Variants in CRACR2A observed in about 807,000 individuals in gnomAD.
CRACR2A encodes the protein calcium release activated channel regulator 2A, also known as EF-hand calcium-binding domain-containing protein 4B.
A neutral mutation model predicts 90.5 loss-of-function variants in CRACR2A; 79 were observed. That is an observed-to-expected ratio of 0.87 (90% CI 0.73 to 1.05). The LOEUF (loss-of-function observed/expected upper bound fraction) is 1.05. CRACR2A is among the 50% of genes least tolerant of loss of function. The probability of loss-of-function intolerance (pLI) is 0.00; values close to 1 mark genes in which losing one functional copy is unlikely to be tolerated. For missense variants in CRACR2A, 823 were observed against 897.2 expected (o/e 0.92, Z 1.06); for synonymous variants, 338 against 356.7 (o/e 0.95, Z 0.59).
At chr12:3,622,185 T>C (rs993448133) in intron 17 of CRACR2A, among the ~76,000 whole-genome samples, 4 of 152,220 alleles carry the variant, frequency 2.6e-5, no homozygotes, top group African/African-American at 9.6e-5. Context: ...AGGGCTTTGG[T>C]GAACAGGTCT....
intron 3 of CRACR2A, among the ~76,000 whole-genome samples, chr12:3,701,163 GA>G (rs534227869): frequency 1.8e-4 from 27 of 145,996 alleles, no homozygotes; most frequent in South Asian, 8.6e-4. Flanking sequence ...GAACTAAATG[GA>G]AAAAAAAAAG....
chr12:3,628,489 C>CT (rs1459149603), intron 15 of CRACR2A, among the ~76,000 whole-genome samples: 2 of 152,152 alleles, frequency 1.3e-5, no homozygotes, highest in African/African-American at 4.8e-5. Context: ...TACCACTGGG[C>CT]TGTTCACAAC....
chr12:3,695,136 T>TG (rs1307953911), intron 4 of CRACR2A, among the ~76,000 whole-genome samples: 1 of 152,230 alleles, frequency 6.6e-6, no homozygotes, highest in Admixed American at 6.5e-5. Flanking sequence ...GCACAGTACT[T>TG]GTGGCCCAGA....
At chr12:3,706,657 G>A (rs1205385851) in intron 3 of CRACR2A, among the ~76,000 whole-genome samples, 1 of 152,224 alleles carries the variant, frequency 6.6e-6, no homozygotes, top group East Asian at 1.9e-4. Flanking sequence ...CTGAAGTGCA[G>A]TGGCATGATC....
At chr12:3,720,452 A>C (rs1184456162) in intron 2 of CRACR2A, among the ~76,000 whole-genome samples, 1 of 150,264 alleles carries the variant, frequency 6.7e-6, no homozygotes, top group African/African-American at 2.5e-5. Context: ...AGAAAGAAAG[A>C]AAGAAAGAAA....
At chr12:3,699,020 G>T (rs1432187630) in intron 3 of CRACR2A, among the ~76,000 whole-genome samples, 2 of 152,058 alleles carry the variant, frequency 1.3e-5, no homozygotes, top group Non-Finnish European at 2.9e-5. Flanking sequence ...GCTTTCTCTT[G>T]CCAGGCCCCT....
intron 1 of CRACR2A, among the ~76,000 whole-genome samples, chr12:3,747,684 C>T (rs1946646892): frequency 6.6e-6 from 1 of 152,222 alleles, no homozygotes; most frequent in Admixed American, 6.5e-5. Flanking sequence ...CCCACGTCCC[C>T]TGGTGCTGCT....
chr12:3,648,481 T>A (rs1565473105), intron 11 of CRACR2A, 61 bp downstream of exon 11: 2 of 1,612,954 alleles, frequency 1.2e-6, no homozygotes, highest in Non-Finnish European at 1.7e-6. Context: ...CTCAGACTGG[T>A]CCTTCCGACC....
intron 4 of CRACR2A, among the ~76,000 whole-genome samples, chr12:3,682,302 G>A (rs1004259962): frequency 9.2e-5 from 14 of 152,090 alleles, no homozygotes; most frequent in Admixed American, 6.5e-4. Context: ...AGAGATCAAC[G>A]GGACCCTCAA....
chr12:3,649,693 G>A (rs1944760117), intron 10 of CRACR2A, among the ~76,000 whole-genome samples: 1 of 152,090 alleles, frequency 6.6e-6, no homozygotes, highest in African/African-American at 2.4e-5. Flanking sequence ...GGCTGTGTCT[G>A]GTTTGTTTAC....
chr12:3,690,212 GT>G (rs1016232406), intron 4 of CRACR2A, among the ~76,000 whole-genome samples: 1 of 151,954 alleles, frequency 6.6e-6, no homozygotes, highest in Non-Finnish European at 1.5e-5. Context: ...TTTAGGATTG[GT>G]TTGCTCTTGG....
At chr12:3,647,653 G>A (rs149272942) in intron 11 of CRACR2A, among the ~76,000 whole-genome samples, 2 of 152,136 alleles carry the variant, frequency 1.3e-5, no homozygotes, top group Non-Finnish European at 2.9e-5. Flanking sequence ...CAATCAATCT[G>A]AAACGCATTC....
intron 4 of CRACR2A, among the ~76,000 whole-genome samples, chr12:3,684,662 G>A (rs1945521084): frequency 6.6e-6 from 1 of 152,234 alleles, no homozygotes; most frequent in Non-Finnish European, 1.5e-5. Flanking sequence ...TAGAGTGCAG[G>A]CGTATAATTC....
intron 17 of CRACR2A, among the ~76,000 whole-genome samples, chr12:3,625,940 C>T (rs972025398): frequency 1.3e-5 from 2 of 152,112 alleles, no homozygotes; most frequent in African/African-American, 2.4e-5. Context: ...AGAGAAAGAT[C>T]GTGTCGTAAA....
At chr12:3,747,608 A>T (rs570289822) in intron 1 of CRACR2A, among the ~76,000 whole-genome samples, 2 of 152,280 alleles carry the variant, frequency 1.3e-5, no homozygotes, top group South Asian at 4.1e-4. Flanking sequence ...AAAATAAACC[A>T]ATCACCCAGG....
At chr12:3,650,135 G>A (rs370510280) in intron 10 of CRACR2A, among the ~76,000 whole-genome samples, 24 of 152,196 alleles carry the variant, frequency 1.6e-4, no homozygotes, top group African/African-American at 3.1e-4. Context: ...TGATACAGGC[G>A]TCACTTTCCA....
chr12:3,655,169 T>C (rs553133297), intron 9 of CRACR2A, among the ~76,000 whole-genome samples: 1 of 152,216 alleles, frequency 6.6e-6, no homozygotes, highest in Non-Finnish European at 1.5e-5. Context: ...GAATTTGGCG[T>C]GATTCTCAAG....
chr12:3,657,808 A>G (rs1944942831), intron 8 of CRACR2A, among the ~76,000 whole-genome samples: 1 of 152,116 alleles, frequency 6.6e-6, no homozygotes, highest in African/African-American at 2.4e-5. Context: ...GCATCCTCAC[A>G]ATGCGCCAGG....
intron 18 of CRACR2A, 76 bp downstream of exon 18, chr12:3,619,195 C>T: frequency 8.2e-7 from 1 of 1,226,038 alleles, no homozygotes; most frequent in African/African-American, 1.5e-5. Context: ...AAGTCCCCAC[C>T]AAGGCTCTTG....
Sources: gnomAD v4.1 joint callset for allele counts (sites outside exome capture counted in the v4.1 genomes callset) on GRCh38, gnomAD v4.1.1 for gene constraint, MANE v1.5 for transcripts, NCBI Gene and HGNC (gene_info 2026-07-23, HGNC 2026-07-21) for gene names.